Variants in DNM2 observed in about 807,000 individuals in gnomAD.
DNM2 encodes dynamin 2.
DNM2 carries 15 observed loss-of-function variants against 99.0 expected under a neutral mutation model. The ratio of observed to expected loss-of-function variants is 0.15; its 90% confidence interval spans 0.10 to 0.23. The LOEUF is 0.23. Among genes scored for constraint, DNM2 ranks in the 10% least tolerant of loss-of-function variants. DNM2 has a pLI of 1.00. For missense variants in DNM2, 742 were observed against 1,189.4 expected (o/e 0.62, Z 5.53); for synonymous variants, 525 against 481.2 (o/e 1.09, Z -1.19).
chr19:10,775,195 C>A lies in DNM2; in HGVS notation c.386-508C>A, dbSNP rs2071113544. Among the ~76,000 whole-genome samples, 1 of 152,172 alleles carries A rather than the reference C, an allele frequency of 6.6e-6. No homozygotes were observed. The highest frequency in any genetic ancestry group is 2.4e-5 in the African/African-American group (1 of 41,442). ...CTTCTGGGTTCAAGTGTTTCTCATG[C>A]CTCAGCCTCCAGAGTAGCTGGGAGT... is the stretch of plus-strand genomic sequence containing the variant. On this transcript the variant is annotated intron_variant, in intron 3 of 20. Transcript: ENST00000389253. This position sits in a 1 kb window ranked among gnomAD's most constrained non-coding sequence, Gnocchi z 4.3.
At chr19:10,828,524 T>C (rs1166160156) in intron 18 of DNM2, among the ~76,000 whole-genome samples, 1 of 150,112 alleles carries the variant, frequency 6.7e-6, no homozygotes, top group Non-Finnish European at 1.5e-5. Context: ...GAGGCGGAGG[T>C]TGCAGTGAGC....
At chr19:10,759,015 C>G (rs1019926920) in intron 1 of DNM2, among the ~76,000 whole-genome samples, 23 of 152,016 alleles carry the variant, frequency 1.5e-4, no homozygotes, top group Non-Finnish European at 3.1e-4. Flanking sequence ...AGTCATGGCT[C>G]TGTACAACCT....
At chr19:10,748,673 C>T (rs2070083706) in intron 1 of DNM2, among the ~76,000 whole-genome samples, 1 of 152,204 alleles carries the variant, frequency 6.6e-6, no homozygotes, top group Admixed American at 6.5e-5. Context: ...CACCCACATT[C>T]GTGTCCTGGC....
chr19:10,774,725 A>G (rs1361570260), intron 3 of DNM2, among the ~76,000 whole-genome samples: 3 of 119,852 alleles, frequency 2.5e-5, no homozygotes, highest in Admixed American at 8.4e-5. Flanking sequence ...GCGTTGGCCT[A>G]TGCTTTTTTT....
chr19:10,789,668 A>G (rs548106370), intron 7 of DNM2, among the ~76,000 whole-genome samples: 63 of 152,144 alleles, frequency 4.1e-4, no homozygotes, highest in Non-Finnish European at 6.8e-4. Flanking sequence ...CCCTGTCTCT[A>G]TGAAAAAATA....
Position 10,736,403 on chromosome 19 carries a change from C to T in DNM2, c.161+18000C>T, listed in dbSNP as rs575530381. 8.9e-4 allele frequency among the ~76,000 whole-genome samples: 136 copies of T among 152,310 alleles called. 5 individuals carry two copies. The South Asian group carries it at 0.025, about 28-fold the overall frequency. On this transcript the variant is annotated intron_variant, in intron 1 of 20. Coordinates refer to ENST00000389253, the MANE Select transcript of DNM2 (RefSeq NM_001005361.3). ...CTGGCATTATGGGCGTGAGCCACCACGCCCACTCATTTCTATATTGCTGTA... is the reference window on the plus strand; with the variant it reads ...CTGGCATTATGGGCGTGAGCCACCATGCCCACTCATTTCTATATTGCTGTA...
intron 2 of DNM2, among the ~76,000 whole-genome samples, chr19:10,760,827 A>ATTTTTTTTTGTTTTTTTTTTTTTTTT (rs2070601078): frequency 2.4e-5 from 1 of 41,258 alleles, no homozygotes; most frequent in African/African-American, 9.4e-5. Context: ...CACCCAGCTG[A>ATTTTTTTTTGTTTTTTTTTTTTTTTT]TTTTTTTTTT....
At chr19:10,778,592 C>T (rs774097951) in intron 5 of DNM2, among the ~76,000 whole-genome samples, 4 of 151,952 alleles carry the variant, frequency 2.6e-5, no homozygotes, top group Non-Finnish European at 4.4e-5. Flanking sequence ...TTCGAAGCTG[C>T]AGTGAGCTAT....
chr19:10,755,773 C>T (rs1185871751), intron 1 of DNM2, among the ~76,000 whole-genome samples: 1 of 152,040 alleles, frequency 6.6e-6, no homozygotes, highest in Admixed American at 6.6e-5. Context: ...AAGCCATTCT[C>T]GTGTCTTAGC....
Position 10,800,938 on chromosome 19 carries a change from TTTTA to T in DNM2, c.1423-1346_1423-1343del, listed in dbSNP as rs2072115725. 2.0e-5 allele frequency among the ~76,000 whole-genome samples: 3 copies of T among 152,226 alleles called. No individual in the cohort carries two copies. In the South Asian group the frequency reaches 6.2e-4, roughly 32 times the overall value. ...GCGCGCGTGCACGTGCACGTGTGTG[TTTTA>T]TTTTAGTGTTCATAATTGGACAAAT... On this transcript the variant is annotated intron_variant, in intron 11 of 20. Coordinates refer to ENST00000389253, the MANE Select transcript of DNM2 (RefSeq NM_001005361.3).
At chr19:10,798,811 TC>T (rs2072031739) in intron 11 of DNM2, among the ~76,000 whole-genome samples, 1 of 151,956 alleles carries the variant, frequency 6.6e-6, no homozygotes, top group Non-Finnish European at 1.5e-5. Flanking sequence ...AAAACCCCTG[TC>T]CCTATCATGC....
chr19:10,735,692 C>G (rs964829961), intron 1 of DNM2, among the ~76,000 whole-genome samples: 6 of 150,210 alleles, frequency 4.0e-5, no homozygotes, highest in African/African-American at 1.5e-4. Flanking sequence ...TTTTTTTTTT[C>G]AAGAGATGGG....
rs1307223702 is a variant in DNM2, at chr19:10,808,564, C to T, written c.1546-5C>T. The T allele has an allele frequency of 6.2e-7, 1 of 1,612,220 alleles. No individual in the cohort carries two copies. Among genetic ancestry groups the T allele is most frequent in the Non-Finnish European group, 8.5e-7 (1 of 1,179,256 alleles). ...ACCCACAACCCTAACTTTGCATATT[C>T]AAAGGGGGAGATCCTGGTAAGTACA... On this transcript the variant is annotated splice_polypyrimidine_tract_variant and splice_region_variant and intron_variant, in intron 13 of 20. Coordinates refer to ENST00000389253, the MANE Select transcript of DNM2 (RefSeq NM_001005361.3).
rs764535055 is a variant in DNM2 at position 10,831,055 on chromosome 19, G to C, written c.*8G>C. 7 of 1,598,444 alleles carry C rather than the reference G, an allele frequency of 4.4e-6. No homozygotes were observed. The African/African-American group carries it at 5.4e-5, about 12-fold the overall frequency. On this transcript the variant is annotated 3_prime_UTR_variant, in exon 21 of 21. Coordinates refer to ENST00000389253, the MANE Select transcript of DNM2 (RefSeq NM_001005361.3). The surrounding 1 kb of genome is among the most constrained non-coding windows in gnomAD (Gnocchi z 4.3). The stretch of plus-strand genomic sequence containing the variant: ...CCATCCCTGCTCGACTAGGCCTCGA[G>C]GGGGGCGTGCTCTCGGGGGGGCCTC...
Position 10,818,258 on chromosome 19 carries a change from T to C in DNM2, c.1672-1722T>C, listed in dbSNP as rs1213406994. ...CCATGGCCACCGGGCCCCTCTCCTA[T>C]GCTCTGCTCCCTCCATGGCCACCGG... On this transcript the variant is annotated intron_variant, in intron 15 of 20. Transcript: ENST00000389253. The surrounding 1 kb of genome is among the most constrained non-coding windows in gnomAD (Gnocchi z 4.3). Among the ~76,000 whole-genome samples the C allele has an allele frequency of 6.7e-6, 1 of 150,312 alleles. No individual in the cohort carries two copies. Among genetic ancestry groups the C allele is most frequent in the Non-Finnish European group, 1.5e-5 (1 of 67,396 alleles).
intron 1 of DNM2, among the ~76,000 whole-genome samples, chr19:10,732,706 T>TA (rs1353849070): frequency 6.6e-5 from 10 of 151,212 alleles, no homozygotes; most frequent in Admixed American, 3.3e-4. Flanking sequence ...TGCCAGATTT[T>TA]TTATATATAT....
intron 6 of DNM2, among the ~76,000 whole-genome samples, chr19:10,785,113 C>A (rs988525565): frequency 6.6e-6 from 1 of 151,446 alleles, no homozygotes. Flanking sequence ...CCACTGTACC[C>A]ATCCCGGCCT....
intron 1 of DNM2, chr19:10,755,183 A>T (rs138565416): frequency 6.6e-6 from 1 of 152,236 alleles, no homozygotes; most frequent in African/African-American, 2.4e-5. Flanking sequence ...TGTCCATCCA[A>T]TGGTGACTAG....
chr19:10,756,206 C>A (rs2070377587), intron 1 of DNM2, among the ~76,000 whole-genome samples: 1 of 152,034 alleles, frequency 6.6e-6, no homozygotes, highest in Non-Finnish European at 1.5e-5. Flanking sequence ...CTCGCTGTTT[C>A]CCTCGTTCAG....
Sources: gnomAD v4.1 joint callset for allele counts (sites outside exome capture counted in the v4.1 genomes callset) on GRCh38, gnomAD v4.1.1 for gene constraint, Gnocchi (gnomAD v3.1) non-coding constraint, MANE v1.5 for transcripts, NCBI Gene and HGNC (gene_info 2026-07-23, HGNC 2026-07-21) for gene names.